HS6ST2: variants seen among roughly 807,000 people sequenced by gnomAD.
HS6ST2 encodes heparan-sulfate 6-O-sulfotransferase 2.
HS6ST2 carries 17 observed loss-of-function variants against 33.0 expected under a neutral mutation model. The observed-to-expected ratio is 0.52, with a 90% CI of 0.35 to 0.77. HS6ST2 has a LOEUF of 0.77. Ranked by LOEUF, HS6ST2 falls within the 30% of genes least tolerant of loss-of-function variation. The probability of loss-of-function intolerance (pLI) is 0.01; values close to 1 mark genes in which losing one functional copy is unlikely to be tolerated. For synonymous variants in HS6ST2, 248 were observed against 237.1 expected (o/e 1.05, Z -0.42); for missense variants, 519 against 551.7 (o/e 0.94, Z 0.59).
chrX:132,846,376 C>A (rs768865799), intron 2 of HS6ST2, among the ~76,000 whole-genome samples: 3 of 112,618 alleles, frequency 2.7e-5, no homozygotes, highest in African/African-American at 9.6e-5. Context: ...TTATACCAAG[C>A]TCATCTCAAG....
At chrX:132,865,895 G>C (rs746567578) in intron 2 of HS6ST2, among the ~76,000 whole-genome samples, 1 of 111,554 alleles carries the variant, frequency 9.0e-6, no homozygotes, top group South Asian at 3.8e-4. Context: ...TGTCAGATGA[G>C]CAGGTTGCGA....
At chrX:132,878,674 T>C (rs989533872) in intron 2 of HS6ST2, among the ~76,000 whole-genome samples, 1 of 112,208 alleles carries the variant, frequency 8.9e-6, no homozygotes, top group Middle Eastern at 4.6e-3. Context: ...GAAAACAGAA[T>C]TGCAAAGACT....
At chrX:132,780,777 G>A (rs1236595806) in intron 2 of HS6ST2, among the ~76,000 whole-genome samples, 5 of 111,681 alleles carry the variant, frequency 4.5e-5, no homozygotes, top group East Asian at 2.8e-4. Context: ...CCTTACTGAC[G>A]AGCAGGATTC....
At chrX:132,906,679 A>AT (rs777690923) in intron 2 of HS6ST2, among the ~76,000 whole-genome samples, 14 of 108,243 alleles carry the variant, frequency 1.3e-4, no homozygotes, top group South Asian at 4.1e-4. Flanking sequence ...TCAAGAAGTG[A>AT]TTTTTTTTTC....
At chrX:132,872,381 T>C (rs1188141164) in intron 2 of HS6ST2, among the ~76,000 whole-genome samples, 1 of 111,935 alleles carries the variant, frequency 8.9e-6, no homozygotes, top group Admixed American at 9.6e-5. Flanking sequence ...AGCCTCAGAA[T>C]GTTAAAGCTG....
chrX:132,830,631 T>C (rs2065579922), intron 2 of HS6ST2, among the ~76,000 whole-genome samples: 1 of 112,479 alleles, frequency 8.9e-6, no homozygotes, highest in Admixed American at 9.4e-5. Flanking sequence ...TCCAGAGATT[T>C]TCTCCTTTCT....
chrX:132,888,259 G>A (rs1042084013), intron 2 of HS6ST2, among the ~76,000 whole-genome samples: 1 of 111,059 alleles, frequency 9.0e-6, no homozygotes, highest in Non-Finnish European at 1.9e-5. Context: ...CCACATGGCT[G>A]GGGAGGCCGC....
chrX:132,675,060 A>T (rs886148210), intron 3 of HS6ST2, among the ~76,000 whole-genome samples: 3 of 111,769 alleles, frequency 2.7e-5, no homozygotes, highest in Non-Finnish European at 5.6e-5. Flanking sequence ...AAGTTGGATG[A>T]CTGAGAACAA....
chrX:132,959,606 A>G (rs2067128309), upstream of HS6ST2, among the ~76,000 whole-genome samples: 1 of 112,290 alleles, frequency 8.9e-6, no homozygotes, highest in Admixed American at 9.4e-5. Flanking sequence ...GCTCTGCTCC[A>G]TCCGTTTCCT....
At chrX:132,883,550 C>T (rs987420434) in intron 2 of HS6ST2, among the ~76,000 whole-genome samples, 1 of 111,271 alleles carries the variant, frequency 9.0e-6, no homozygotes, top group South Asian at 3.8e-4. Context: ...ATATATTGTA[C>T]AGAGCGCCCT....
chrX:132,689,161 G>A lies in HS6ST2; in HGVS notation c.980+19301C>T, dbSNP rs146999340. ...TGCACAGATCGAGAGAGAAGGTTCG[G>A]GTGAACATTTAAATTCCTGTTTGAA... On this transcript the variant is annotated intron_variant, in intron 3 of 4. Coordinates refer to ENST00000370833, the MANE Select transcript of HS6ST2 (RefSeq NM_001394073.1). 5.3e-3 allele frequency among the ~76,000 whole-genome samples: 587 copies of A among 111,479 alleles called. 4 individuals carry two copies. The highest frequency in any genetic ancestry group is 0.018 in the African/African-American group (556 of 30,661).
At chrX:132,818,578 C>A (rs1385461691) in intron 2 of HS6ST2, among the ~76,000 whole-genome samples, 1 of 111,645 alleles carries the variant, frequency 9.0e-6, no homozygotes, top group East Asian at 2.8e-4. Flanking sequence ...ATTACAAGCT[C>A]ATGTTTCTCA....
In HS6ST2 at chrX:132,735,232, T is replaced by G. The variant is rs1286617225; in HGVS notation, c.948-26738A>C. On this transcript the variant is annotated intron_variant, in intron 2 of 4. Transcript: ENST00000370833. ...CCATCCCTCAAACACAGCTGTCATTTGGTGCTCCAGCTTCCTGGGAAAGAG... is the reference window on the plus strand; with the variant it reads ...CCATCCCTCAAACACAGCTGTCATTGGGTGCTCCAGCTTCCTGGGAAAGAG... The G allele has an allele frequency of 4.5e-5, 5 of 111,413 alleles. No individual in the cohort carries two copies. In the East Asian group the frequency reaches 1.4e-3, roughly 32 times the overall value. The allele number at this position is 111,413 out of a possible 1,213,427, so 9.2% of individuals were successfully genotyped here. A position where few individuals can be genotyped will look rare whatever the true frequency, so the allele number is the denominator to read the frequency against.
At chrX:132,918,156 T>G (rs2066613288) in intron 2 of HS6ST2, among the ~76,000 whole-genome samples, 1 of 112,778 alleles carries the variant, frequency 8.9e-6, no homozygotes, top group Non-Finnish European at 1.9e-5. Context: ...CCATAGGCCT[T>G]ACAATACGGA....
intron 2 of HS6ST2, among the ~76,000 whole-genome samples, chrX:132,861,299 C>T (rs1035793254): frequency 8.9e-6 from 1 of 111,919 alleles, no homozygotes; most frequent in African/African-American, 3.2e-5. Flanking sequence ...AGATTGCTTC[C>T]CTTCCTTTCC....
At chrX:132,856,475 T>A (rs1326652389) in intron 2 of HS6ST2, among the ~76,000 whole-genome samples, 1 of 111,779 alleles carries the variant, frequency 8.9e-6, no homozygotes, top group African/African-American at 3.2e-5. Context: ...ACTTAAACAA[T>A]GTGAGAATGA....
intron 4 of HS6ST2, among the ~76,000 whole-genome samples, chrX:132,631,170 A>G (rs2063514539): frequency 8.9e-6 from 1 of 111,788 alleles, no homozygotes; most frequent in Non-Finnish European, 1.9e-5. Context: ...GGGAAGAGGA[A>G]GGAGAGAGCT....
intron 2 of HS6ST2, among the ~76,000 whole-genome samples, chrX:132,928,340 G>T (rs1239823354): frequency 1.8e-5 from 2 of 110,120 alleles, no homozygotes; most frequent in Non-Finnish European, 3.8e-5. Flanking sequence ...TCAAACTTCT[G>T]GCCTCAAACT....
chrX:132,705,448 A>G (rs1390440717), intron 3 of HS6ST2, among the ~76,000 whole-genome samples: 1 of 111,321 alleles, frequency 9.0e-6, no homozygotes, highest in Non-Finnish European at 1.9e-5. Context: ...TTGTGTGCCC[A>G]AATATGCATG....
Sources: gnomAD v4.1 joint callset for allele counts (sites outside exome capture counted in the v4.1 genomes callset) on GRCh38, gnomAD v4.1.1 for gene constraint, MANE v1.5 for transcripts, NCBI Gene and HGNC (gene_info 2026-07-23, HGNC 2026-07-21) for gene names.